RNF187: variants seen among roughly 807,000 people sequenced by gnomAD.
RNF187 encodes the protein E3 ubiquitin-protein ligase RNF187.
RNF187 carries 18 observed loss-of-function variants against 22.2 expected under a neutral mutation model. The ratio of observed to expected loss-of-function variants is 0.81; its 90% CI spans 0.56 to 1.20. RNF187 has a LOEUF of 1.20. RNF187 is among the 50% of genes most tolerant of loss of function. RNF187 has a pLI of 0.00. For synonymous variants in RNF187, 164 were observed against 140.9 expected, an observed-to-expected ratio of 1.16 and a Z score of -1.16; for missense variants, 329 against 317.6, an observed-to-expected ratio of 1.04 and a Z score of -0.27.
Position 228,489,071 on chromosome 1 carries a change from G to A in RNF187, c.483+19G>A. ...GTGGAAGGCAAGTGGGGGGACCTGG[G>A]GCAGCCTGGAATGAGGGGACTGTGG... On this transcript the variant is annotated intron_variant, in intron 2 of 3. Transcript: ENST00000305943. The A allele has an allele frequency of 6.5e-7, 1 of 1,539,270 alleles. No individual in the cohort carries two copies. The highest frequency in any genetic ancestry group is 8.7e-7 in the Non-Finnish European group (1 of 1,143,088).
intron 2 of RNF187, among the ~76,000 whole-genome samples, chr1:228,492,564 T>C: frequency 0.87 from 125,554 of 144,484 alleles, 54,706 homozygotes; most frequent in East Asian, 1. Flanking sequence ...TCATGTTCTG[T>C]CTGCCTCAGC....
chr1:228,495,118 TTCCTTGGGGCCTGGGGG>T lies in RNF187; in HGVS notation c.*1234_*1250del. On this transcript the variant is annotated 3_prime_UTR_variant, in exon 4 of 4. Coordinates refer to ENST00000305943, the MANE Select transcript of RNF187 (RefSeq NM_001010858.3). ...ACCATTGAGATGGGTGTGGGACCCT[TTCCTTGGGGCCTGGGGG>T]GAGATGGGGCTCCACCCCGACGTAG... The T allele has an allele frequency of 1.2e-6, 1 of 831,766 alleles. No homozygotes were observed. Among genetic ancestry groups the T allele is most frequent in the Non-Finnish European group, 1.5e-6 (1 of 689,618 alleles). The allele number at this position is 831,766 out of a possible 1,614,324, so 51.5% of individuals were successfully genotyped here.
Position 228,487,411 on chromosome 1 carries a change from C to T in RNF187, c.-78C>T, listed in dbSNP as rs1448091889. On this transcript the variant is annotated 5_prime_UTR_variant, in exon 1 of 4. Transcript: ENST00000305943. ...GCGTCTTCGTCCTGTTGCTGGTCTC[C>T]GTCCGGTCGCCGGCCGTCTAGGTCT... 1.9e-6 allele frequency: 2 copies of T among 1,071,502 alleles called. No individual in the cohort carries two copies. The highest frequency in any genetic ancestry group is 5.3e-5 in the Admixed American group (1 of 18,710). The allele number at this position is 1,071,502 out of a possible 1,614,324, so 66.4% of individuals were successfully genotyped here.
At chr1:228,487,950 CT>C in intron 1 of RNF187, 72 bp downstream of exon 1, 1 of 962,354 alleles carries the variant, frequency 1.0e-6, no homozygotes, top group Non-Finnish European at 1.3e-6. Flanking sequence ...CCCGGTCCCC[CT>C]GAGCCCTGGG....
intron 2 of RNF187, among the ~76,000 whole-genome samples, chr1:228,490,930 T>C: frequency 2.6e-5 from 4 of 152,236 alleles, no homozygotes; most frequent in Admixed American, 6.5e-5. Context: ...TGACAGGCTC[T>C]AGACCTAGCA....
chr1:228,495,131 G>A lies in RNF187; in HGVS notation c.*1246G>A. 1 of 699,402 alleles carries A rather than the reference G, an allele frequency of 1.4e-6. No individual in the cohort carries two copies. Among genetic ancestry groups the A allele is most frequent in the Non-Finnish European group, 1.8e-6 (1 of 568,590 alleles). The allele number at this position is 699,402 out of a possible 1,614,324, so 43.3% of individuals were successfully genotyped here. On this transcript the variant is annotated 3_prime_UTR_variant, in exon 4 of 4. Transcript: ENST00000305943. ...GTGTGGGACCCTTTCCTTGGGGCCT[G>A]GGGGGAGATGGGGCTCCACCCCGAC... is the stretch of plus-strand genomic sequence containing the variant.
At position 228,495,315 on chromosome 1, in the gene RNF187, C is replaced by T; in HGVS notation, c.*1430C>T. 10 of 298,306 alleles carry T rather than the reference C, an allele frequency of 3.4e-5. No homozygotes were observed. In the East Asian group the frequency reaches 7.0e-4, roughly 21 times the overall value. The allele number at this position is 298,306 out of a possible 1,614,324, so 18.5% of individuals were successfully genotyped here. On this transcript the variant is annotated 3_prime_UTR_variant, in exon 4 of 4. Coordinates refer to ENST00000305943, the MANE Select transcript of RNF187 (RefSeq NM_001010858.3). ...CGATCAGACATTGGCTGCAAACGGT[C>T]AGAGAGGAACCCAGTCAGGTACCAT...
Position 228,494,508 on chromosome 1 carries a change from C to A in RNF187, c.*623C>A. The stretch of plus-strand genomic sequence containing the variant: ...TCCTGGCCCCCACCCCACTCCTGTG[C>A]CTCCCAGGAGCCCTCCCTGTGCTCC... On this transcript the variant is annotated 3_prime_UTR_variant, in exon 4 of 4. Coordinates refer to ENST00000305943, the MANE Select transcript of RNF187 (RefSeq NM_001010858.3). 1 of 986,758 alleles carries A rather than the reference C, an allele frequency of 1.0e-6. No homozygotes were observed. Among genetic ancestry groups the A allele is most frequent in the Non-Finnish European group, 1.2e-6 (1 of 830,790 alleles). The allele number at this position is 986,758 out of a possible 1,614,324, so 61.1% of individuals were successfully genotyped here.
rs762714547 is a variant in RNF187 at position 228,493,197 on chromosome 1, C to T, written c.628C>T (p.Arg210Trp). Residue 210 changes from arginine (R) to tryptophan (W), a missense_variant, in exon 3 of 4, where the codon CGG (arginine) becomes TGG (tryptophan). Coordinates refer to ENST00000305943, the MANE Select transcript of RNF187 (RefSeq NM_001010858.3). This position sits in a 1 kb window ranked among gnomAD's most constrained non-coding sequence, Gnocchi z 4.7. ...GGACGAGCTGGCTGACCCCACTGAGCGGTTCAGGTCACTGCTGCAGGCGGT... is the reference window on the plus strand; with the variant it reads ...GGACGAGCTGGCTGACCCCACTGAGTGGTTCAGGTCACTGCTGCAGGCGGT... The T allele has an allele frequency of 3.9e-6, 6 of 1,551,654 alleles. No homozygotes were observed. The highest frequency in any genetic ancestry group is 1.2e-5 in the South Asian group (1 of 84,046).
intron 2 of RNF187, among the ~76,000 whole-genome samples, chr1:228,490,784 C>G: frequency 1.3e-5 from 2 of 152,234 alleles, no homozygotes; most frequent in Non-Finnish European, 2.9e-5. Flanking sequence ...TGAAAACCAG[C>G]TGAAGAGTGG....
Position 228,493,957 on chromosome 1 carries a change from C to G in RNF187, c.*72C>G. On this transcript the variant is annotated 3_prime_UTR_variant, in exon 4 of 4. Transcript: ENST00000305943. This position sits in a 1 kb window ranked among gnomAD's most constrained non-coding sequence, Gnocchi z 4.7. ...TCCTCATCTCCATGGGAAGTGTCAG[C>G]GTGTGGCTGCCAGGGAAGCGTGGCA... 6.4e-7 allele frequency: 1 copy of G among 1,551,662 alleles called. No homozygotes were observed. The highest frequency in any genetic ancestry group is 8.7e-7 in the Non-Finnish European group (1 of 1,146,970).
chr1:228,490,683 T>G, intron 2 of RNF187, among the ~76,000 whole-genome samples: 1 of 152,206 alleles, frequency 6.6e-6, no homozygotes, highest in Non-Finnish European at 1.5e-5. Context: ...CTGCCCTGTG[T>G]GGCCCAGGGC....
chr1:228,494,779 G>A lies in RNF187; in HGVS notation c.*894G>A. ...CGACAGAAACTCAGCACTGGGGACA[G>A]GATTGCAAAGTCGGGGACATAGATG... On this transcript the variant is annotated 3_prime_UTR_variant, in exon 4 of 4. Transcript: ENST00000305943. 16 of 985,402 alleles carry A rather than the reference G, an allele frequency of 1.6e-5. No homozygotes were observed. Among genetic ancestry groups the A allele is most frequent in the Admixed American group, 6.1e-5 (1 of 16,274 alleles). The allele number at this position is 985,402 out of a possible 1,614,324, so 61.0% of individuals were successfully genotyped here.
At position 228,491,597 on chromosome 1, in the gene RNF187, C is replaced by T; in HGVS notation, c.484-1456C>T. ...CTGCGACTACAGGTGTGCACCACCA[C>T]GCCTGGCTAATCTTGTATTTTTAGT... is the stretch of plus-strand genomic sequence containing the variant. On this transcript the variant is annotated intron_variant, in intron 2 of 3. Transcript: ENST00000305943. 4.0e-5 allele frequency among the ~76,000 whole-genome samples: 6 copies of T among 151,836 alleles called. 1 individual carries two copies. The East Asian group carries it at 7.8e-4, about 20-fold the overall frequency.
At chr1:228,492,403 C>T in intron 2 of RNF187, among the ~76,000 whole-genome samples, 9 of 151,034 alleles carry the variant, frequency 6.0e-5, no homozygotes, top group Non-Finnish European at 1.3e-4. Flanking sequence ...CTCACCGCAA[C>T]CTCTGCCTCC....
chr1:228,493,084 T>C lies in RNF187; in HGVS notation c.515T>C (p.Leu172Pro). 1 of 1,551,286 alleles carries C rather than the reference T, an allele frequency of 6.4e-7. No homozygotes were observed. The highest frequency in any genetic ancestry group is 8.7e-7 in the Non-Finnish European group (1 of 1,146,722). Residue 172 changes from leucine (L) to proline (P), a missense_variant, in exon 3 of 4, where the codon CTG becomes CCG. Transcript: ENST00000305943. The surrounding 1 kb of genome is among the most constrained non-coding windows in gnomAD (Gnocchi z 4.7). Reference sequence around the variant, plus strand: ...GTGATGGACCGTAGGAAGAAGGCACTGACCGACTACAAGAAGCTGCGGGCC... The same window carrying C: ...GTGATGGACCGTAGGAAGAAGGCACCGACCGACTACAAGAAGCTGCGGGCC...
chr1:228,488,888 TC>T, intron 1 of RNF187, 71 bp from the exon 2 acceptor site: 7 of 1,195,138 alleles, frequency 5.9e-6, no homozygotes, highest in Non-Finnish European at 7.3e-6. Flanking sequence ...TGGGGTGATG[TC>T]CCTCAGTACT....
At chr1:228,491,811 A>G in intron 2 of RNF187, among the ~76,000 whole-genome samples, 1 of 152,186 alleles carries the variant, frequency 6.6e-6, no homozygotes, top group African/African-American at 2.4e-5. Context: ...TCAAAGTGGC[A>G]AAATTAAATC....
intron 2 of RNF187, among the ~76,000 whole-genome samples, chr1:228,492,074 A>T: frequency 6.6e-6 from 1 of 151,704 alleles, no homozygotes; most frequent in East Asian, 1.9e-4. Flanking sequence ...TTTTTAAAAA[A>T]GGCCTTGCTC....
Sources: allele counts gnomAD v4.1 joint callset (sites outside exome capture counted in the v4.1 genomes callset), GRCh38; gene constraint gnomAD v4.1.1; non-coding constraint Gnocchi (gnomAD v3.1); transcripts MANE v1.5; gene names NCBI Gene and HGNC (gene_info 2026-07-23, HGNC 2026-07-21).